SPINK6: variants seen among roughly 807,000 people sequenced by gnomAD.
The protein encoded by SPINK6 is serine protease inhibitor Kazal-type 6.
In SPINK6, 13 loss-of-function variants were observed where a neutral mutation model predicts 11.7. That is an observed-to-expected ratio of 1.11 (90% CI 0.72 to 1.76). The LOEUF is 1.76. SPINK6 is among the 40% of genes most tolerant of loss of function. The pLI is 0.00. For synonymous variants in SPINK6, 21 were observed against 31.9 expected, an observed-to-expected ratio of 0.66 and a Z score of 1.15; for missense variants, 98 against 93.7, an observed-to-expected ratio of 1.05 and a Z score of -0.19.
At position 148,213,937 on chromosome 5, in the gene SPINK6, A is replaced by G. The variant is rs145219999; in HGVS notation, c.109A>G (p.Lys37Glu). The G allele has an allele frequency of 6.2e-6, 10 of 1,611,776 alleles. No individual in the cohort carries two copies. Among genetic ancestry groups the G allele is most frequent in the South Asian group, 5.5e-5 (5 of 91,026 alleles). The change falls in exon 3 of 4, where the codon AAG (lysine) becomes GAG (glutamate). Residue 37 changes from lysine to glutamate, a missense_variant. Coordinates refer to ENST00000325630, the MANE Select transcript of SPINK6 (RefSeq NM_205841.4). Reference sequence around the variant, plus strand: ...TGACTGTGGTGAGTTCCAGGACCCCAAGGTCTACTGCACTCGGGAATCTAA... The same window carrying G: ...TGACTGTGGTGAGTTCCAGGACCCCGAGGTCTACTGCACTCGGGAATCTAA... Reference protein sequence around the residue: ...QVDCGEFQDPKVYCTRESNPH... With the variant: ...QVDCGEFQDPEVYCTRESNPH...
chr5:148,207,445 C>T lies in SPINK6; in HGVS notation c.81+1387C>T, dbSNP rs924612990. Among the ~76,000 whole-genome samples, 13 of 152,136 alleles carry T rather than the reference C, an allele frequency of 8.5e-5. No homozygotes were observed. In the South Asian group the frequency reaches 1.9e-3, roughly 22 times the overall value. On this transcript the variant is annotated intron_variant, in intron 2 of 3. Transcript: ENST00000325630. ...CAGGGCCCCTGGGTGGGGGTCCCTG[C>T]GTAGTACTTGGCGGGGTGTGTGGCT...
upstream of SPINK6, chr5:148,202,932 G>A (rs1318892773): frequency 2.1e-6 from 1 of 471,708 alleles, no homozygotes; most frequent in Non-Finnish European, 3.8e-6. Flanking sequence ...TAAGATTGAT[G>A]GGGAGCATGA....
chr5:148,203,085 C>A lies in SPINK6; in HGVS notation c.-12C>A. 6.2e-7 allele frequency: 1 copy of A among 1,606,394 alleles called. No homozygotes were observed. Among genetic ancestry groups the A allele is most frequent in the African/African-American group, 1.3e-5 (1 of 74,432 alleles). On this transcript the variant is annotated 5_prime_UTR_variant, in exon 1 of 4. Transcript: ENST00000325630. ...ACAAAGCAGCCTTGATCTGAGTGAG[C>A]TAACTGACACAATGAAACTGTCAGG...
chr5:148,211,016 A>G (rs1755590304), intron 2 of SPINK6, among the ~76,000 whole-genome samples: 1 of 152,160 alleles, frequency 6.6e-6, no homozygotes, highest in African/African-American at 2.4e-5. Flanking sequence ...GCAAATTTTC[A>G]TTGGTTTTAT....
intron 2 of SPINK6, among the ~76,000 whole-genome samples, chr5:148,211,358 G>C (rs1755595094): frequency 6.6e-6 from 1 of 152,122 alleles, no homozygotes; most frequent in South Asian, 2.1e-4. Context: ...AAGAGTCCCA[G>C]GATACCATTT....
chr5:148,213,969 C>T lies in SPINK6; in HGVS notation c.141C>T (p.His47=), dbSNP rs1227974888. Residue 47 remains histidine (H), a synonymous_variant, in exon 3 of 4, where the codon CAC becomes CAT. Transcript: ENST00000325630. ...KVYCTRESNP[H]CGSDGQTYGN... is the part of the protein sequence containing the mutation. ...ACTGCACTCGGGAATCTAACCCACACTGTGGCTCTGATGGCCAGACATATG... is the reference window on the plus strand; with the variant it reads ...ACTGCACTCGGGAATCTAACCCACATTGTGGCTCTGATGGCCAGACATATG... 4 of 1,613,954 alleles carry T rather than the reference C, an allele frequency of 2.5e-6. No individual in the cohort carries two copies. Among genetic ancestry groups the T allele is most frequent in the Non-Finnish European group, 3.4e-6 (4 of 1,179,840 alleles).
At chr5:148,212,087 C>CTTAA (rs10651520) in intron 2 of SPINK6, among the ~76,000 whole-genome samples, 121,226 of 151,576 alleles carry the variant, frequency 0.8, 51,116 homozygotes, top group Middle Eastern at 0.95. Context: ...CAAATATGGA[C>CTTAA]TTGACATTGT....
intron 2 of SPINK6, among the ~76,000 whole-genome samples, chr5:148,208,847 CT>C: frequency 6.6e-6 from 1 of 152,220 alleles, no homozygotes; most frequent in Non-Finnish European, 1.5e-5. Context: ...ATACATTTTG[CT>C]TTTTGAATCA....
chr5:148,213,557 A>G (rs1755642957), intron 2 of SPINK6, among the ~76,000 whole-genome samples: 1 of 152,080 alleles, frequency 6.6e-6, no homozygotes, highest in Non-Finnish European at 1.5e-5. Flanking sequence ...ATGATGTTTA[A>G]AAAGTCGTTT....
intron 3 of SPINK6, 21 bp from the exon 4 acceptor site, chr5:148,214,884 A>T: frequency 4.3e-6 from 7 of 1,609,318 alleles, no homozygotes; most frequent in Non-Finnish European, 6.0e-6. Flanking sequence ...CTGAGTATAT[A>T]TTTGTCTTTC....
intron 1 of SPINK6, among the ~76,000 whole-genome samples, chr5:148,204,120 T>C (rs140185045): frequency 9.8e-4 from 138 of 140,244 alleles, no homozygotes; most frequent in Non-Finnish European, 1.4e-3. Context: ...CTATGCAAGA[T>C]TTTAAATGGA....
At chr5:148,207,424 G>A (rs1288420472) in intron 2 of SPINK6, among the ~76,000 whole-genome samples, 1 of 152,094 alleles carries the variant, frequency 6.6e-6, no homozygotes, top group African/African-American at 2.4e-5. Flanking sequence ...ATGGAGCAGG[G>A]CCCCTGGGTG....
chr5:148,212,691 CTATA>C (rs1755626637), intron 2 of SPINK6, among the ~76,000 whole-genome samples: 1 of 106,994 alleles, frequency 9.3e-6, no homozygotes, highest in Non-Finnish European at 1.7e-5. Context: ...TTTATATAAA[CTATA>C]TATTTATACA....
At chr5:148,212,735 ATATATT>A (rs987434302) in intron 2 of SPINK6, among the ~76,000 whole-genome samples, 58 of 125,752 alleles carry the variant, frequency 4.6e-4, no homozygotes, top group Non-Finnish European at 8.5e-4. Context: ...TATATAAACT[ATATATT>A]TATACATTTT....
At chr5:148,209,039 T>C (rs1755535268) in intron 2 of SPINK6, among the ~76,000 whole-genome samples, 1 of 152,230 alleles carries the variant, frequency 6.6e-6, no homozygotes, top group Admixed American at 6.5e-5. Flanking sequence ...TAAGTTTATT[T>C]TTGCTTGTAT....
At position 148,206,038 on chromosome 5, in the gene SPINK6, G is replaced by T. The variant is rs1372570593; in HGVS notation, c.61G>T (p.Val21Phe). Residue 21 changes from valine (V) to phenylalanine (F), a missense_variant and splice_region_variant, in exon 2 of 4, where the codon GTC becomes TTC. Physicochemically the swap from Val to Phe is conservative, Grantham distance 50. Transcript: ENST00000325630. Reference protein sequence around the residue: ...SLALFCFLTGVFSQGGQVDCG... With the variant: ...SLALFCFLTGFFSQGGQVDCG... ...TGAATGTTGTGCTTTTCTTTCAGGT[G>T]TCTTCAGTCAGGGAGGACAGGTCAG... is the stretch of plus-strand genomic sequence containing the variant. 3 of 1,613,868 alleles carry T rather than the reference G, an allele frequency of 1.9e-6. No individual in the cohort carries two copies. Among genetic ancestry groups the T allele is most frequent in the Admixed American group, 3.3e-5 (2 of 59,974 alleles).
chr5:148,204,963 T>C (rs1188872624), intron 1 of SPINK6, among the ~76,000 whole-genome samples: 1 of 152,212 alleles, frequency 6.6e-6, no homozygotes, highest in African/African-American at 2.4e-5. Flanking sequence ...AGGAACTCTC[T>C]GGTTTTATAT....
chr5:148,209,841 G>GA, intron 2 of SPINK6, among the ~76,000 whole-genome samples: 1 of 151,664 alleles, frequency 6.6e-6, no homozygotes, highest in Non-Finnish European at 1.5e-5. Context: ...ATGAAAAATG[G>GA]AAAAAATGGA....
intron 2 of SPINK6, among the ~76,000 whole-genome samples, chr5:148,212,508 TTTTATATATATAA>T (rs1755612914): frequency 7.8e-6 from 1 of 127,580 alleles, no homozygotes; most frequent in African/African-American, 3.1e-5. Flanking sequence ...AAAGTATATA[TTTTATATATATAA>T]AGTATATATT....
Sources: allele counts gnomAD v4.1 joint callset (sites outside exome capture counted in the v4.1 genomes callset), GRCh38; gene constraint gnomAD v4.1.1; transcripts MANE v1.5; gene names NCBI Gene and HGNC (gene_info 2026-07-23, HGNC 2026-07-21).